Variants in MED26 observed in about 807,000 individuals in gnomAD.
MED26 encodes mediator complex subunit 26.
A neutral mutation model predicts 43.7 loss-of-function variants in MED26; 7 were observed. That is an observed-to-expected ratio of 0.16 (90% confidence interval 0.09 to 0.30). MED26 has a LOEUF of 0.30. MED26 is among the 10% of genes least tolerant of loss of function. The probability of loss-of-function intolerance (pLI) is 1.00; values close to 1 mark genes in which losing one functional copy is unlikely to be tolerated. For synonymous variants in MED26, 375 were observed against 371.1 expected (o/e 1.01, Z -0.12); for missense variants, 784 against 840.6 (o/e 0.93, Z 0.83).
chr19:16,575,774 A>T lies in MED26; in HGVS notation c.*253T>A. Reference sequence around the variant, plus strand: ...TGGTTTGCTATAGAGTTCTGAACTCACTTTGCCGTCCTTCCTTCCACGCGG... The same window carrying T: ...TGGTTTGCTATAGAGTTCTGAACTCTCTTTGCCGTCCTTCCTTCCACGCGG... On this transcript the variant is annotated 3_prime_UTR_variant, in exon 3 of 3. Coordinates refer to ENST00000263390, the MANE Select transcript of MED26 (RefSeq NM_004831.5). 3.8e-6 allele frequency: 2 copies of T among 524,474 alleles called. No homozygotes were observed. Among genetic ancestry groups the T allele is most frequent in the Non-Finnish European group, 6.9e-6 (2 of 289,916 alleles). The allele number at this position is 524,474 out of a possible 1,614,324, so 32.5% of individuals were successfully genotyped here.
At chr19:16,608,152 C>G (rs1254261233) in intron 1 of MED26, among the ~76,000 whole-genome samples, 1 of 152,252 alleles carries the variant, frequency 6.6e-6, no homozygotes, top group East Asian at 1.9e-4. Flanking sequence ...AGGTAAGGGG[C>G]AGGGACTCTA....
Position 16,621,815 on chromosome 19 carries a change from C to T in MED26, c.72+6057G>A, listed in dbSNP as rs370969804. Among the ~76,000 whole-genome samples the T allele has an allele frequency of 5.0e-4, 76 of 152,214 alleles. 1 individual carries two copies. The highest frequency in any genetic ancestry group is 1.7e-3 in the African/African-American group (72 of 41,524). On this transcript the variant is annotated intron_variant, in intron 1 of 2. Transcript: ENST00000263390. ...GCACATCACAGAACTCTCACCTTCC[C>T]CACCCTAGGCTTGCCTCCAAAAGCC...
At position 16,575,750 on chromosome 19, in the gene MED26, G is replaced by C. The variant is rs908659746; in HGVS notation, c.*277C>G. 5.0e-5 allele frequency: 22 copies of C among 436,004 alleles called. No homozygotes were observed. The South Asian group carries it at 6.0e-4, about 12-fold the overall frequency. 27.0% of individuals were successfully genotyped at this position (436,004 alleles called of 1,614,324 possible). The stretch of plus-strand genomic sequence containing the variant: ...TGAGGGACTAACGCTTTTTATAGCT[G>C]GTTTGCTATAGAGTTCTGAACTCAC... On this transcript the variant is annotated 3_prime_UTR_variant, in exon 3 of 3. Transcript: ENST00000263390.
In MED26 at chr19:16,576,079, G is replaced by A. The variant is rs778970108; in HGVS notation, c.1751C>T (p.Pro584Leu). Reference sequence around the variant, plus strand: ...GTTCAAGCGCCCGTCGTCGCCGTGCGGATCGAGCGATATGCACTGCGTCCA... The same window carrying A: ...GTTCAAGCGCCCGTCGTCGCCGTGCAGATCGAGCGATATGCACTGCGTCCA... ...YDWTQCISLD[P>L]HGDDGRLNIL... Residue 584 changes from proline to leucine, a missense_variant, in exon 3 of 3, where the codon CCG (proline) becomes CTG (leucine). This residue lies in a region of MED26 where 719 missense variants were observed against 730.9 expected (regional missense o/e 0.98). Coordinates refer to ENST00000263390, the MANE Select transcript of MED26 (RefSeq NM_004831.5). The surrounding 1 kb of genome is among the most constrained non-coding windows in gnomAD (Gnocchi z 6.8). 2.9e-5 allele frequency: 46 copies of A among 1,613,724 alleles called. No individual in the cohort carries two copies. The highest frequency in any genetic ancestry group is 3.4e-5 in the Non-Finnish European group (40 of 1,180,026).
chr19:16,613,090 T>A lies in MED26; in HGVS notation c.72+14782A>T, dbSNP rs766785347. On this transcript the variant is annotated intron_variant, in intron 1 of 2. Transcript: ENST00000263390. ...GTTTACCTTTAGTAGGATAGGGACG[T>A]CCTCACTTTATAGAGAGTATTAATA... is the stretch of plus-strand genomic sequence containing the variant. Among the ~76,000 whole-genome samples the A allele has an allele frequency of 3.9e-4, 59 of 152,318 alleles. 1 individual carries two copies. Among genetic ancestry groups the A allele is most frequent in the African/African-American group, 1.4e-3 (57 of 41,576 alleles).
Position 16,575,871 on chromosome 19 carries a change from A to AG in MED26, c.*155dup. The AG allele has an allele frequency of 1.6e-6, 1 of 637,288 alleles. No individual in the cohort carries two copies. Among genetic ancestry groups the AG allele is most frequent in the South Asian group, 1.9e-5 (1 of 51,538 alleles). 39.5% of individuals were successfully genotyped at this position (637,288 alleles called of 1,614,324 possible). On this transcript the variant is annotated 3_prime_UTR_variant, in exon 3 of 3. Coordinates refer to ENST00000263390, the MANE Select transcript of MED26 (RefSeq NM_004831.5). ...AAAGAGTTTTGAGGGAAGAGCGCAG[A>AG]GAGACCGCGTGACTCCCGCCCCCTC...
At chr19:16,583,642 T>G (rs1599332732) in intron 1 of MED26, among the ~76,000 whole-genome samples, 1 of 152,144 alleles carries the variant, frequency 6.6e-6, no homozygotes, top group East Asian at 1.9e-4. Context: ...GGGCAGGAAG[T>G]TAGCAGGTGG....
chr19:16,625,885 C>T (rs1376093457), intron 1 of MED26, among the ~76,000 whole-genome samples: 4 of 152,194 alleles, frequency 2.6e-5, no homozygotes, highest in Admixed American at 2.0e-4. Context: ...AAGAAGATAA[C>T]TTCCCAAATC....
chr19:16,609,941 TAA>T (rs869040520), intron 1 of MED26, among the ~76,000 whole-genome samples: 1,958 of 84,590 alleles, frequency 0.023, 36 homozygotes, highest in Admixed American at 0.084. Flanking sequence ...AAGCACTCTT[TAA>T]AAAAAAAAAA....
rs1029376605 is a variant in MED26, at chr19:16,576,871, T to C, written c.959A>G (p.Gln320Arg). ...TQVPSPLPLA[Q>R]PSTPPVRRLE... ...CCGCCGTACGGGGGGTGTGGACGGCTGTGCCAGTGGAAGCGGTGACGGCAC... is the reference window on the plus strand; with the variant it reads ...CCGCCGTACGGGGGGTGTGGACGGCCGTGCCAGTGGAAGCGGTGACGGCAC... Residue 320 changes from glutamine to arginine, a missense_variant, in exon 3 of 3, where the codon CAG becomes CGG. Physicochemically the swap from Gln to Arg is conservative, Grantham distance 43. Around this residue, in one of 3 missense-constraint regions of MED26, gnomAD observed 719 missense variants for 730.9 expected, o/e 0.98. Coordinates refer to ENST00000263390, the MANE Select transcript of MED26 (RefSeq NM_004831.5). The surrounding 1 kb of genome is among the most constrained non-coding windows in gnomAD (Gnocchi z 6.8). The C allele has an allele frequency of 2.5e-6, 4 of 1,610,066 alleles. No individual in the cohort carries two copies. Among genetic ancestry groups the C allele is most frequent in the Non-Finnish European group, 3.4e-6 (4 of 1,178,076 alleles).
At position 16,628,107 on chromosome 19, in the gene MED26, G is replaced by A. The variant is rs1260272701; in HGVS notation, c.-164C>T. 7.8e-6 allele frequency: 3 copies of A among 384,364 alleles called. No homozygotes were observed. Among genetic ancestry groups the A allele is most frequent in the East Asian group, 7.8e-5 (2 of 25,680 alleles). 23.8% of individuals were successfully genotyped at this position (384,364 alleles called of 1,614,324 possible). A position where few individuals can be genotyped will look rare whatever the true frequency, so the allele number is the denominator to read the frequency against. ...GGTGGCGGAGAGGGGAGCCGGGGCC[G>A]GGTCTCGGTCCCGGGCCGCCGCCGC... On this transcript the variant is annotated 5_prime_UTR_variant, in exon 1 of 3. Coordinates refer to ENST00000263390, the MANE Select transcript of MED26 (RefSeq NM_004831.5).
chr19:16,578,011 C>T (rs764494383), intron 2 of MED26: 3 of 476,376 alleles, frequency 6.3e-6, no homozygotes, highest in Non-Finnish European at 3.7e-6. Context: ...GTGCTGTGGC[C>T]GAGGCGACAG....
intron 1 of MED26, among the ~76,000 whole-genome samples, chr19:16,621,866 G>GCC (rs1252701856): frequency 1.3e-5 from 2 of 151,864 alleles, no homozygotes; most frequent in African/African-American, 4.9e-5. Context: ...AATCCAGAGG[G>GCC]TACAACAACA....
chr19:16,606,394 A>G (rs1164731582), intron 1 of MED26, among the ~76,000 whole-genome samples: 1 of 152,160 alleles, frequency 6.6e-6, no homozygotes, highest in Non-Finnish European at 1.5e-5. Context: ...TCTACTAAAA[A>G]TACAAAAATA....
rs1193213409 is a variant in MED26 at position 16,628,163 on chromosome 19, C to CGCCGCCGCTCGCT, written c.-233_-221dup. 3.6e-5 allele frequency: 13 copies of CGCCGCCGCTCGCT among 360,424 alleles called. No homozygotes were observed. Among genetic ancestry groups the CGCCGCCGCTCGCT allele is most frequent in the Middle Eastern group, 7.3e-4 (1 of 1,366 alleles). The allele number at this position is 360,424 out of a possible 1,614,324, so 22.3% of individuals were successfully genotyped here. The stretch of plus-strand genomic sequence containing the variant: ...AAGGAGGAGGAGGAGCCGCCGGAGC[C>CGCCGCCGCTCGCT]GCCGCCGCTCGCTGCCGCCGCCTCG... On this transcript the variant is annotated 5_prime_UTR_variant, in exon 1 of 3. Transcript: ENST00000263390.
chr19:16,618,853 G>A (rs2086237860), intron 1 of MED26, among the ~76,000 whole-genome samples: 1 of 152,244 alleles, frequency 6.6e-6, no homozygotes, highest in Non-Finnish European at 1.5e-5. Flanking sequence ...ATAAGGAAAC[G>A]TTTGGTGGGG....
intron 1 of MED26, among the ~76,000 whole-genome samples, chr19:16,622,266 C>T (rs529531449): frequency 4.5e-4 from 69 of 152,320 alleles, no homozygotes; most frequent in African/African-American, 1.6e-3. Context: ...CCACATGCCA[C>T]GGCACCCCAC....
At chr19:16,623,702 G>A (rs1204993667) in intron 1 of MED26, among the ~76,000 whole-genome samples, 7 of 152,026 alleles carry the variant, frequency 4.6e-5, no homozygotes, top group African/African-American at 1.7e-4. Flanking sequence ...ATCCTCACAC[G>A]TTTTCTTACC....
chr19:16,617,798 A>G (rs1215294154), intron 1 of MED26, among the ~76,000 whole-genome samples: 2 of 126,196 alleles, frequency 1.6e-5, no homozygotes, highest in Admixed American at 7.3e-5. Context: ...CCCACCAACC[A>G]TCAAGGTGAG....
Sources: allele counts gnomAD v4.1 joint callset (sites outside exome capture counted in the v4.1 genomes callset), GRCh38; gene constraint gnomAD v4.1.1; regional missense constraint gnomAD v4.1.1; non-coding constraint Gnocchi (gnomAD v3.1); transcripts MANE v1.5; gene names NCBI Gene and HGNC (gene_info 2026-07-23, HGNC 2026-07-21).